Variants in FXN observed in about 807,000 individuals in gnomAD.
The protein encoded by FXN is frataxin, mitochondrial.
FXN carries 14 observed loss-of-function variants against 22.4 expected under a neutral mutation model. The ratio of observed to expected loss-of-function variants is 0.62; its 90% CI spans 0.41 to 0.98. The LOEUF (loss-of-function observed/expected upper bound fraction) is 0.98. Among genes scored for constraint, FXN ranks in the 50% least tolerant of loss-of-function variants. The pLI, the probability that FXN is intolerant of heterozygous loss-of-function variation, is 0.00. For missense variants in FXN, 267 were observed against 268.4 expected (o/e 0.99, Z 0.04); for synonymous variants, 120 against 114.1 (o/e 1.05, Z -0.33).
chr9:69,079,073 C>T lies in FXN; in HGVS notation c.*6311C>T. ...TTGTTCAAATAAACTCTAAATAACC[C>T]CAACTCCAAGAGTGTTAGCAAGAAA... On this transcript the variant is annotated 3_prime_UTR_variant, in exon 5 of 5. Transcript: ENST00000484259. 1.1e-6 allele frequency: 1 copy of T among 882,720 alleles called. No homozygotes were observed. The highest frequency in any genetic ancestry group is 1.4e-6 in the Non-Finnish European group (1 of 736,802). 54.7% of individuals were successfully genotyped at this position (882,720 alleles called of 1,614,324 possible).
chr9:69,063,817 G>A (rs1832118644), intron 3 of FXN, among the ~76,000 whole-genome samples: 1 of 152,120 alleles, frequency 6.6e-6, no homozygotes. Context: ...CCAAGTAGCT[G>A]GGACCACAGG....
chr9:69,048,391 G>A (rs1476800140), intron 2 of FXN, among the ~76,000 whole-genome samples: 1 of 152,072 alleles, frequency 6.6e-6, no homozygotes, highest in Non-Finnish European at 1.5e-5. Flanking sequence ...GATCACTGAG[G>A]CCAGGAGTTC....
chr9:69,064,926 C>A lies in FXN; in HGVS notation c.385-12C>A. 1 of 1,551,852 alleles carries A rather than the reference C, an allele frequency of 6.4e-7. No individual in the cohort carries two copies. The highest frequency in any genetic ancestry group is 8.9e-7 in the Non-Finnish European group (1 of 1,123,244). ...TAATTTCTTTATGCTTTTTTTCCAC[C>A]TAATCCCCTAGAGTGGTGTCTTAAC... is the stretch of plus-strand genomic sequence containing the variant. On this transcript the variant is annotated splice_polypyrimidine_tract_variant and intron_variant, in intron 3 of 4. Transcript: ENST00000484259.
In FXN at chr9:69,046,426, A is replaced by G. The variant is rs1831755307; in HGVS notation, c.207A>G (p.Lys69=). ...QRGLNQIWNV[K]KQSVYLMNLR... ...GCCTCAACCAGATTTGGAATGTCAA[A>G]AAGCAGAGTGTCTATTTGATGAATT... Residue 69 remains lysine, a synonymous_variant, in exon 2 of 5, where the codon AAA becomes AAG. Coordinates refer to ENST00000484259, the MANE Select transcript of FXN (RefSeq NM_000144.5). The G allele has an allele frequency of 2.5e-6, 4 of 1,614,138 alleles. No individual in the cohort carries two copies. Among genetic ancestry groups the G allele is most frequent in the Non-Finnish European group, 3.4e-6 (4 of 1,180,016 alleles).
chr9:69,073,047 A>G lies in FXN; in HGVS notation c.*285A>G. 1 of 1,281,704 alleles carries G rather than the reference A, an allele frequency of 7.8e-7. No homozygotes were observed. Among genetic ancestry groups the G allele is most frequent in the Non-Finnish European group, 9.9e-7 (1 of 1,012,946 alleles). 79.4% of individuals were successfully genotyped at this position (1,281,704 alleles called of 1,614,324 possible). On this transcript the variant is annotated 3_prime_UTR_variant, in exon 5 of 5. Coordinates refer to ENST00000484259, the MANE Select transcript of FXN (RefSeq NM_000144.5). ...TAATGTCTTATGCCTATACCTGAATATAACAACCTTTAAAAAAGCAAAATA... is the reference window on the plus strand; with the variant it reads ...TAATGTCTTATGCCTATACCTGAATGTAACAACCTTTAAAAAAGCAAAATA...
At chr9:69,040,536 C>T (rs1357940871) in intron 1 of FXN, among the ~76,000 whole-genome samples, 3 of 151,926 alleles carry the variant, frequency 2.0e-5, no homozygotes, top group Non-Finnish European at 2.9e-5. Flanking sequence ...GGCGTGGTGA[C>T]GGGTGCCTGT....
At position 69,075,364 on chromosome 9, in the gene FXN, G is replaced by A. The variant is rs988676865; in HGVS notation, c.*2602G>A. ...AATTTCAGCTACTCAGGAGGCTGAG[G>A]CAGGAGAATCGCTGTAACCTGGGGG... On this transcript the variant is annotated 3_prime_UTR_variant, in exon 5 of 5. Transcript: ENST00000484259. The A allele has an allele frequency of 8.8e-5, 55 of 626,516 alleles. No individual in the cohort carries two copies. Among genetic ancestry groups the A allele is most frequent in the Non-Finnish European group, 1.1e-4 (55 of 503,122 alleles). 38.8% of individuals were successfully genotyped at this position (626,516 alleles called of 1,614,324 possible).
At chr9:69,044,836 A>T (rs1398350925) in intron 1 of FXN, among the ~76,000 whole-genome samples, 1 of 152,150 alleles carries the variant, frequency 6.6e-6, no homozygotes, top group East Asian at 1.9e-4. Context: ...GTTAGGGACT[A>T]AAAAAAATCA....
intron 1 of FXN, among the ~76,000 whole-genome samples, chr9:69,042,697 C>T (rs1229973918): frequency 1.3e-5 from 2 of 152,140 alleles, no homozygotes; most frequent in East Asian, 3.8e-4. Flanking sequence ...ATTAAACACA[C>T]ACACACACAA....
At chr9:69,068,133 C>T (rs1564339262) in intron 4 of FXN, among the ~76,000 whole-genome samples, 1 of 152,172 alleles carries the variant, frequency 6.6e-6, no homozygotes, top group Non-Finnish European at 1.5e-5. Context: ...TCAGAAGGGA[C>T]AGAGGCAGGC....
At chr9:69,043,741 G>T (rs748115135) in intron 1 of FXN, among the ~76,000 whole-genome samples, 63 of 152,114 alleles carry the variant, frequency 4.1e-4, no homozygotes, top group Non-Finnish European at 7.9e-4. Flanking sequence ...ATGTCATCAC[G>T]CCTTGCTAAT....
rs1832309091 is a variant in FXN at position 69,073,352 on chromosome 9, T to A, written c.*590T>A. ...TGCCAAGGTGTGGCCTGCACTGGGT[T>A]GTCCAGGGAGACCTAGTGCTGTTTC... On this transcript the variant is annotated 3_prime_UTR_variant, in exon 5 of 5. Coordinates refer to ENST00000484259, the MANE Select transcript of FXN (RefSeq NM_000144.5). The A allele has an allele frequency of 1.2e-5, 12 of 990,044 alleles. No homozygotes were observed. The South Asian group carries it at 4.6e-4, about 38-fold the overall frequency. The allele number at this position is 990,044 out of a possible 1,614,324, so 61.3% of individuals were successfully genotyped here.
intron 2 of FXN, 106 bp downstream of exon 2, chr9:69,046,588 T>C (rs1449007427): frequency 1.3e-6 from 1 of 768,868 alleles, no homozygotes; most frequent in Non-Finnish European, 2.3e-6. Context: ...TTAGGCATCT[T>C]TCCATGTGAC....
intron 2 of FXN, among the ~76,000 whole-genome samples, chr9:69,049,272 A>G (rs184949967): frequency 8.8e-4 from 134 of 152,278 alleles, no homozygotes; most frequent in African/African-American, 3.1e-3. Flanking sequence ...AGACACGTCA[A>G]CCAGCCTCTC....
In FXN at chr9:69,074,110, A is replaced by G. The variant is rs961803026; in HGVS notation, c.*1348A>G. On this transcript the variant is annotated 3_prime_UTR_variant, in exon 5 of 5. Transcript: ENST00000484259. Reference sequence around the variant, plus strand: ...TGAAGCGGAAGAATCGCTTGAACCCAGAGGTGGAGGTTGCAGTGAGCCGAG... The same window carrying G: ...TGAAGCGGAAGAATCGCTTGAACCCGGAGGTGGAGGTTGCAGTGAGCCGAG... 5 of 415,056 alleles carry G rather than the reference A, an allele frequency of 1.2e-5. No homozygotes were observed. Among genetic ancestry groups the G allele is most frequent in the African/African-American group, 2.2e-5 (1 of 46,104 alleles). 25.7% of individuals were successfully genotyped at this position (415,056 alleles called of 1,614,324 possible).
chr9:69,065,025 T>C lies in FXN; in HGVS notation c.472T>C (p.Ser158Pro), dbSNP rs748916855. The change falls in exon 4 of 5, where the codon TCT (serine) becomes CCT (proline). Residue 158 changes from serine to proline, a missense_variant. Coordinates refer to ENST00000484259, the MANE Select transcript of FXN (RefSeq NM_000144.5). ...GCCAAACAAGCAAATCTGGCTATCTTCTCCATCCAGGTATGTAGGTATGTT... is the reference window on the plus strand; with the variant it reads ...GCCAAACAAGCAAATCTGGCTATCTCCTCCATCCAGGTATGTAGGTATGTT... ...QTPNKQIWLSSPSSGPKRYDW... is the reference protein window; with the variant it reads ...QTPNKQIWLSPPSSGPKRYDW... 6.2e-7 allele frequency: 1 copy of C among 1,612,730 alleles called. No homozygotes were observed. Among genetic ancestry groups the C allele is most frequent in the Non-Finnish European group, 8.5e-7 (1 of 1,178,862 alleles).
chr9:69,061,526 T>A (rs1426404725), intron 3 of FXN, among the ~76,000 whole-genome samples: 5 of 152,132 alleles, frequency 3.3e-5, no homozygotes, highest in Non-Finnish European at 4.4e-5. Context: ...GCTCTTTTTT[T>A]TTATTATTAT....
intron 2 of FXN, among the ~76,000 whole-genome samples, chr9:69,051,363 T>C (rs189183435): frequency 4.0e-4 from 61 of 152,216 alleles, no homozygotes; most frequent in African/African-American, 1.3e-3. Context: ...ATTACAGGCA[T>C]GAGCCACTGC....
chr9:69,075,048 G>C lies in FXN; in HGVS notation c.*2286G>C. 2 of 985,384 alleles carry C rather than the reference G, an allele frequency of 2.0e-6. No individual in the cohort carries two copies. Among genetic ancestry groups the C allele is most frequent in the Non-Finnish European group, 2.4e-6 (2 of 829,944 alleles). 61.0% of individuals were successfully genotyped at this position (985,384 alleles called of 1,614,324 possible). A position where few individuals can be genotyped will look rare whatever the true frequency, so the allele number is the denominator to read the frequency against. The stretch of plus-strand genomic sequence containing the variant: ...ATGAAAGTGGAAGTTAAGGAATCTG[G>C]GCTCTTATGGGGTCCTTGTGGGCCA... On this transcript the variant is annotated 3_prime_UTR_variant, in exon 5 of 5. Coordinates refer to ENST00000484259, the MANE Select transcript of FXN (RefSeq NM_000144.5).
Sources: gnomAD v4.1 joint callset for allele counts (sites outside exome capture counted in the v4.1 genomes callset) on GRCh38, gnomAD v4.1.1 for gene constraint, MANE v1.5 for transcripts, NCBI Gene and HGNC (gene_info 2026-07-23, HGNC 2026-07-21) for gene names.